CIB1: variants seen among roughly 807,000 people sequenced by gnomAD.
The protein encoded by CIB1 is calcium and integrin-binding protein 1.
A neutral mutation model predicts 25.0 loss-of-function variants in CIB1; 19 were observed. The observed-to-expected ratio is 0.76, with a 90% confidence interval of 0.53 to 1.12. The LOEUF (loss-of-function observed/expected upper bound fraction) is 1.12. Ranked by LOEUF, CIB1 falls within the 50% of genes most tolerant of loss-of-function variation. The pLI, the probability that CIB1 is intolerant of heterozygous loss-of-function variation, is 0.00. For synonymous variants in CIB1, 104 were observed against 98.5 expected, an observed-to-expected ratio of 1.06 and a Z score of -0.33; for missense variants, 236 against 242.6, an observed-to-expected ratio of 0.97 and a Z score of 0.18.
At chr15:90,265,284 A>C in the CIB1 span, 2 of 1,225,092 alleles carry the variant, frequency 1.6e-6, no homozygotes, top group Non-Finnish European at 2.0e-6. Context: ...GCTGGAGGCC[A>C]TCCAGGAGAC....
chr15:90,235,160 A>C (rs1962605993), upstream of CIB1, among the ~76,000 whole-genome samples: 1 of 151,452 alleles, frequency 6.6e-6, no homozygotes, highest in Non-Finnish European at 1.5e-5. Context: ...GCCTTTCCTG[A>C]CTCCCTAGAC....
the CIB1 span, among the ~76,000 whole-genome samples, chr15:90,255,504 C>T: frequency 6.6e-6 from 1 of 152,170 alleles, no homozygotes; most frequent in African/African-American, 2.4e-5. Flanking sequence ...TGGCTAGTTA[C>T]ATTCCTTCTC....
At position 90,233,873 on chromosome 15, in the gene CIB1, C is replaced by T. The variant is rs780799350; in HGVS notation, c.13G>A (p.Gly5Ser). 1.0e-5 allele frequency: 15 copies of T among 1,487,834 alleles called. No homozygotes were observed. The African/African-American group carries it at 1.7e-4, about 17-fold the overall frequency. 92.2% of individuals were successfully genotyped at this position (1,487,834 alleles called of 1,614,324 possible). A position where few individuals can be genotyped will look rare whatever the true frequency, so the allele number is the denominator to read the frequency against. Reference protein sequence around the residue: MGGSGSRLSKELLAE... With the variant: MGGSSSRLSKELLAE... Reference sequence around the variant, plus strand: ...AGCAGCTCCTTGGACAGGCGACTGCCCGAGCCCCCCATCGCCCCGCCGCGC... The same window carrying T: ...AGCAGCTCCTTGGACAGGCGACTGCTCGAGCCCCCCATCGCCCCGCCGCGC... The change falls in exon 1 of 7, where the codon GGC becomes AGC. Residue 5 changes from glycine to serine, a missense_variant. Transcript: ENST00000328649.
At chr15:90,252,432 C>A in the CIB1 span, among the ~76,000 whole-genome samples, 1 of 152,190 alleles carries the variant, frequency 6.6e-6, no homozygotes, top group Non-Finnish European at 1.5e-5. Flanking sequence ...CCTCCCACTT[C>A]AGCTTCTCAA....
At chr15:90,244,340 T>A in the CIB1 span, 2 of 152,222 alleles carry the variant, frequency 1.3e-5, no homozygotes, top group Non-Finnish European at 2.9e-5. Context: ...TAAGTCGTTG[T>A]TCCTCCGTCT....
upstream of CIB1, among the ~76,000 whole-genome samples, chr15:90,235,288 A>T (rs1454172986): frequency 6.6e-6 from 1 of 152,206 alleles, no homozygotes; most frequent in Non-Finnish European, 1.5e-5. Context: ...ATTCAAGGCC[A>T]GGCGCGGTGG....
At chr15:90,256,052 C>A in the CIB1 span, 1 of 1,561,282 alleles carries the variant, frequency 6.4e-7, no homozygotes, top group Non-Finnish European at 8.7e-7. Flanking sequence ...CCAGGAAGAG[C>A]ATGGACTAGA....
intron 6 of CIB1, 40 bp downstream of exon 6, chr15:90,230,894 A>C (rs1279824664): frequency 4.4e-5 from 66 of 1,492,136 alleles, no homozygotes; most frequent in African/African-American, 6.9e-5. Context: ...GCAGGTCGGA[A>C]CCTGCAGGTA....
intron 3 of CIB1, 25 bp downstream of exon 3, chr15:90,232,194 T>C: frequency 6.4e-7 from 1 of 1,565,640 alleles, no homozygotes; most frequent in South Asian, 1.1e-5. Flanking sequence ...GTGGGAGAGG[T>C]GTCAAAGGAG....
At chr15:90,237,670 A>G (rs1468999770), upstream of CIB1, among the ~76,000 whole-genome samples, 2 of 151,878 alleles carry the variant, frequency 1.3e-5, no homozygotes, top group Non-Finnish European at 2.9e-5. Flanking sequence ...CCATCTTTAT[A>G]TCTTATTTGA....
At chr15:90,262,066 T>G in the CIB1 span, 1 of 1,535,906 alleles carries the variant, frequency 6.5e-7, no homozygotes, top group Admixed American at 2.0e-5. Context: ...ATGAGGATTC[T>G]CACCTGGGAA....
At chr15:90,259,015 G>C in the CIB1 span, 2 of 1,600,988 alleles carry the variant, frequency 1.2e-6, no homozygotes, top group Non-Finnish European at 1.7e-6. Context: ...GCCTGGGGCT[G>C]ATTTGCTATC....
At chr15:90,230,621 C>T in intron 6 of CIB1, 116 bp from the exon 7 acceptor site, 1 of 1,127,712 alleles carries the variant, frequency 8.9e-7, no homozygotes, top group Non-Finnish European at 1.3e-6. Flanking sequence ...TTCCGTGTGT[C>T]AGCCCCCTCT....
the CIB1 span, chr15:90,258,195 G>A: frequency 1.2e-6 from 2 of 1,614,236 alleles, no homozygotes; most frequent in Non-Finnish European, 1.7e-6. Context: ...TCTGAATGGA[G>A]GTACATGTGC....
At chr15:90,234,977 A>G (rs1406896398), upstream of CIB1, among the ~76,000 whole-genome samples, 1 of 152,220 alleles carries the variant, frequency 6.6e-6, no homozygotes, top group African/African-American at 2.4e-5. Context: ...CCAATCCATT[A>G]TACTTGCTGA....
chr15:90,262,456 A>C, the CIB1 span: 1 of 1,442,858 alleles, frequency 6.9e-7, no homozygotes. Flanking sequence ...CCCCAACACC[A>C]TTTCTCTACT....
At chr15:90,259,060 T>C in the CIB1 span, 1 of 1,502,438 alleles carries the variant, frequency 6.7e-7, no homozygotes, top group Non-Finnish European at 8.9e-7. Flanking sequence ...TATGTTCATA[T>C]TTGCATTAAA....
At chr15:90,260,974 G>C in the CIB1 span, among the ~76,000 whole-genome samples, 1 of 152,054 alleles carries the variant, frequency 6.6e-6, no homozygotes, top group Non-Finnish European at 1.5e-5. Context: ...TCAGATTCAT[G>C]CTCATAATCA....
chr15:90,253,396 A>G, the CIB1 span: 4 of 1,559,790 alleles, frequency 2.6e-6, no homozygotes, highest in Non-Finnish European at 3.5e-6. Context: ...GAGAGCCGAC[A>G]GGGGCTAGGG....
Sources: allele counts gnomAD v4.1 joint callset (sites outside exome capture counted in the v4.1 genomes callset), GRCh38; gene constraint gnomAD v4.1.1; transcripts MANE v1.5; gene names NCBI Gene and HGNC (gene_info 2026-07-23, HGNC 2026-07-21).